The following CARMIL1 variants were observed in gnomAD, a reference collection of about 807,000 sequenced individuals.
The protein encoded by CARMIL1 is capping protein regulator and myosin 1 linker 1.
A neutral mutation model predicts 177.1 loss-of-function variants in CARMIL1; 90 were observed. That is an observed-to-expected ratio of 0.51 (90% CI 0.43 to 0.61). The LOEUF (loss-of-function observed/expected upper bound fraction) is 0.61, where lower values mean the gene tolerates loss of function less well. Ranked by LOEUF, CARMIL1 falls within the 20% of genes least tolerant of loss-of-function variation. The pLI, the probability that CARMIL1 is intolerant of heterozygous loss-of-function variation, is 0.00. For synonymous variants in CARMIL1, 577 were observed against 606.2 expected (o/e 0.95, Z 0.71); for missense variants, 1,380 against 1,667.0 (o/e 0.83, Z 3.00).
chr6:25,333,136 C>T (rs1301448927), intron 2 of CARMIL1, among the ~76,000 whole-genome samples: 1 of 152,226 alleles, frequency 6.6e-6, no homozygotes, highest in Non-Finnish European at 1.5e-5. Context: ...GGAAAGTCCC[C>T]TCCCTGCTGT....
At chr6:25,613,072 ATAT>A (rs1261709817) in intron 36 of CARMIL1, among the ~76,000 whole-genome samples, 2 of 152,240 alleles carry the variant, frequency 1.3e-5, no homozygotes, top group African/African-American at 4.8e-5. Flanking sequence ...GGCAAAAAAA[ATAT>A]TGACTTAAAA....
chr6:25,322,706 C>A (rs1784784627), intron 2 of CARMIL1, among the ~76,000 whole-genome samples: 1 of 152,186 alleles, frequency 6.6e-6, no homozygotes, highest in East Asian at 1.9e-4. Context: ...GGTTGATAGT[C>A]TTGGACTGAA....
chr6:25,616,595 A>G lies in CARMIL1; in HGVS notation c.3980-2852A>G, dbSNP rs72840503. On this transcript the variant is annotated intron_variant, in intron 36 of 36. Transcript: ENST00000329474. ...TATCTATAAATGAATAAATGCTTGC[A>G]TGCATACATACACGCATACATACAT... Among the ~76,000 whole-genome samples, 519 of 152,344 alleles carry G rather than the reference A, an allele frequency of 3.4e-3. 3 individuals are homozygous for G. Among genetic ancestry groups the G allele is most frequent in the Non-Finnish European group, 6.0e-3 (405 of 68,028 alleles).
intron 2 of CARMIL1, 99 bp from the exon 3 acceptor site, chr6:25,420,015 T>G: frequency 2.3e-6 from 2 of 874,334 alleles, no homozygotes; most frequent in Non-Finnish European, 3.9e-6. Flanking sequence ...CCATGTGGCC[T>G]TCTGAGGTTT....
At chr6:25,432,900 A>G (rs1293014723) in intron 4 of CARMIL1, 1 of 85,400 alleles carries the variant, frequency 1.2e-5, no homozygotes, top group African/African-American at 3.2e-5. Flanking sequence ...ACTATGGCTT[A>G]TATCTCTATT....
chr6:25,344,023 T>G (rs1485103278), intron 2 of CARMIL1, among the ~76,000 whole-genome samples: 2 of 152,122 alleles, frequency 1.3e-5, no homozygotes, highest in African/African-American at 4.8e-5. Context: ...CCTCTTTCTT[T>G]GAAAAATTTT....
chr6:25,321,046 TCCCCCAGCCCCCA>T (rs1252182737), intron 2 of CARMIL1, among the ~76,000 whole-genome samples: 3 of 150,518 alleles, frequency 2.0e-5, no homozygotes, highest in Admixed American at 2.0e-4. Context: ...CTCATCTGCC[TCCCCCAGCCCCCA>T]CCCCCACCCC....
intron 5 of CARMIL1, among the ~76,000 whole-genome samples, chr6:25,445,110 T>A (rs779477756): frequency 6.6e-6 from 1 of 152,232 alleles, no homozygotes; most frequent in Non-Finnish European, 1.5e-5. Flanking sequence ...TGCCTTGCAT[T>A]TCTCTGATGA....
At chr6:25,476,442 A>G (rs1018796983) in intron 11 of CARMIL1, among the ~76,000 whole-genome samples, 2 of 152,182 alleles carry the variant, frequency 1.3e-5, no homozygotes, top group Non-Finnish European at 2.9e-5. Flanking sequence ...TCATTGCTGT[A>G]TTTGCCAGTG....
At chr6:25,425,322 G>C (rs1205348515) in intron 3 of CARMIL1, among the ~76,000 whole-genome samples, 1 of 151,984 alleles carries the variant, frequency 6.6e-6, no homozygotes, top group Non-Finnish European at 1.5e-5. Context: ...GAGATTCAGG[G>C]GTTTTCTGCC....
Position 25,465,710 on chromosome 6 carries a change from G to C in CARMIL1, c.615-163G>C, listed in dbSNP as rs908544339. 5.1e-5 allele frequency: 30 copies of C among 587,690 alleles called. No individual in the cohort carries two copies. In the African/African-American group the frequency reaches 5.4e-4, roughly 11 times the overall value. The allele number at this position is 587,690 out of a possible 1,614,324, so 36.4% of individuals were successfully genotyped here. ...TACTTCAACTTTTGGGAACTTTGAA[G>C]ATCAGTCTTTGAGAACTTAGTTGTT... On this transcript the variant is annotated intron_variant, in intron 8 of 36. Coordinates refer to ENST00000329474, the MANE Select transcript of CARMIL1 (RefSeq NM_017640.6).
At chr6:25,469,450 G>T (rs1800906299) in intron 9 of CARMIL1, among the ~76,000 whole-genome samples, 1 of 152,144 alleles carries the variant, frequency 6.6e-6, no homozygotes, top group South Asian at 2.1e-4. Flanking sequence ...CATAGAACAT[G>T]CCTTCTTTCT....
intron 12 of CARMIL1, among the ~76,000 whole-genome samples, chr6:25,483,845 G>A (rs186900603): frequency 6.6e-6 from 1 of 152,090 alleles, no homozygotes; most frequent in African/African-American, 2.4e-5. Context: ...TTGGCTTATT[G>A]CAGCCTCAAC....
intron 2 of CARMIL1, among the ~76,000 whole-genome samples, chr6:25,308,021 T>C (rs1390870256): frequency 6.6e-6 from 1 of 152,240 alleles, no homozygotes. Flanking sequence ...TTAAACAAGG[T>C]AGCCATCCAG....
At chr6:25,521,286 G>A (rs147857632) in intron 23 of CARMIL1, among the ~76,000 whole-genome samples, 1 of 152,322 alleles carries the variant, frequency 6.6e-6, no homozygotes, top group Non-Finnish European at 1.5e-5. Flanking sequence ...ACATGTTTAT[G>A]AGGGGAGCAG....
rs1034174532 is a variant in CARMIL1 at position 25,279,451 on chromosome 6, A to G, written c.-345A>G. 2.2e-5 allele frequency: 9 copies of G among 411,014 alleles called. No homozygotes were observed. The highest frequency in any genetic ancestry group is 3.6e-5 in the Non-Finnish European group (8 of 224,104). 25.5% of individuals were successfully genotyped at this position (411,014 alleles called of 1,614,324 possible). A position where few individuals can be genotyped will look rare whatever the true frequency, so the allele number is the denominator to read the frequency against. On this transcript the variant is annotated 5_prime_UTR_variant, in exon 1 of 37. Coordinates refer to ENST00000329474, the MANE Select transcript of CARMIL1 (RefSeq NM_017640.6). ...GCTGGGCGGGAGCTACGCCGGCCCA[A>G]GCCCCGCCGGGGACCAGCGAGCCGG...
At chr6:25,517,300 A>G in intron 21 of CARMIL1, 47 bp from the exon 22 acceptor site, 1 of 1,438,158 alleles carries the variant, frequency 7.0e-7, no homozygotes, top group Non-Finnish European at 9.8e-7. Context: ...TGTGAGAATC[A>G]TTTTCTTTAA....
intron 2 of CARMIL1, among the ~76,000 whole-genome samples, chr6:25,339,121 A>C (rs1350603693): frequency 1.3e-5 from 2 of 152,236 alleles, no homozygotes; most frequent in Non-Finnish European, 2.9e-5. Context: ...GGTGAAAATC[A>C]AGAAATTGTT....
At chr6:25,453,858 G>C (rs1315385298) in intron 8 of CARMIL1, among the ~76,000 whole-genome samples, 2 of 152,168 alleles carry the variant, frequency 1.3e-5, no homozygotes, top group African/African-American at 4.8e-5. Flanking sequence ...CTGTAGGGCA[G>C]CTTGAGGCGT....
Sources: gnomAD v4.1 joint callset for allele counts (sites outside exome capture counted in the v4.1 genomes callset) on GRCh38, gnomAD v4.1.1 for gene constraint, MANE v1.5 for transcripts, NCBI Gene and HGNC (gene_info 2026-07-23, HGNC 2026-07-21) for gene names.